Variants in RPS6KC1 observed in about 807,000 individuals in gnomAD.
RPS6KC1 encodes inactive ribosomal protein S6 kinase delta-1.
A neutral mutation model predicts 103.8 loss-of-function variants in RPS6KC1; 54 were observed. The ratio of observed to expected loss-of-function variants is 0.52; its 90% CI spans 0.42 to 0.65. The LOEUF (loss-of-function observed/expected upper bound fraction) is 0.65. Ranked by LOEUF, RPS6KC1 falls within the 30% of genes least tolerant of loss-of-function variation. The pLI is 0.00. For missense variants in RPS6KC1, 1,151 were observed against 1,253.8 expected, an observed-to-expected ratio of 0.92 and a Z score of 1.24; for synonymous variants, 439 against 438.7, an observed-to-expected ratio of 1.00 and a Z score of -0.01.
Position 213,086,488 on chromosome 1 carries a change from C to T in RPS6KC1, c.262+8672C>T, listed in dbSNP as rs541103247. On this transcript the variant is annotated intron_variant, in intron 3 of 14. Transcript: ENST00000366960. The stretch of plus-strand genomic sequence containing the variant: ...AATGAGATCTGAATTCCAGCCTTGG[C>T]AAGGAGGCACCTCTTTCAGGTATTT... Among the ~76,000 whole-genome samples, 31 of 152,306 alleles carry T rather than the reference C, an allele frequency of 2.0e-4. 1 individual carries two copies. Among genetic ancestry groups the T allele is most frequent in the African/African-American group, 7.0e-4 (29 of 41,576 alleles).
At chr1:213,755,562 G>A in the RPS6KC1 span, among the ~76,000 whole-genome samples, 1 of 152,338 alleles carries the variant, frequency 6.6e-6, no homozygotes, top group South Asian at 2.1e-4. Flanking sequence ...GCATGATCAG[G>A]TTGCACTTTC....
At chr1:213,851,734 C>T in the RPS6KC1 span, among the ~76,000 whole-genome samples, 1 of 152,122 alleles carries the variant, frequency 6.6e-6, no homozygotes, top group Admixed American at 6.6e-5. Flanking sequence ...AGAGTCGTCC[C>T]TCCCCCACCA....
intron 1 of RPS6KC1, among the ~76,000 whole-genome samples, chr1:213,062,704 G>T (rs965022079): frequency 1.4e-4 from 21 of 152,082 alleles, no homozygotes; most frequent in African/African-American, 4.3e-4. Context: ...CTACAGGCGA[G>T]CCCCACCACA....
chr1:213,432,856 A>G, the RPS6KC1 span, among the ~76,000 whole-genome samples: 1 of 151,638 alleles, frequency 6.6e-6, no homozygotes, highest in Non-Finnish European at 1.5e-5. Flanking sequence ...TTTCCATTGT[A>G]TGAATGTACT....
intron 7 of RPS6KC1, among the ~76,000 whole-genome samples, chr1:213,171,662 T>C (rs2091486981): frequency 6.6e-6 from 1 of 152,238 alleles, no homozygotes; most frequent in African/African-American, 2.4e-5. Context: ...ATATTGCAAG[T>C]ATTTTTCTAT....
the RPS6KC1 span, among the ~76,000 whole-genome samples, chr1:213,329,999 C>T: frequency 2.0e-4 from 31 of 152,330 alleles, no homozygotes; most frequent in East Asian, 5.6e-3. Context: ...GAAAAGCTCC[C>T]GCCACAGACC....
chr1:213,176,537 G>A, intron 8 of RPS6KC1, 45 bp downstream of exon 8: 1 of 1,264,440 alleles, frequency 7.9e-7, no homozygotes, highest in Non-Finnish European at 1.1e-6. Context: ...TAAATCGACT[G>A]CATGCTGACA....
the RPS6KC1 span, among the ~76,000 whole-genome samples, chr1:213,435,013 C>T: frequency 6.6e-6 from 1 of 152,082 alleles, no homozygotes; most frequent in Non-Finnish European, 1.5e-5. Context: ...ATTTACAGCA[C>T]TCCTATAATT....
the RPS6KC1 span, among the ~76,000 whole-genome samples, chr1:213,430,318 T>C: frequency 6.6e-6 from 1 of 151,940 alleles, no homozygotes; most frequent in Non-Finnish European, 1.5e-5. Context: ...GCTGAGAAAA[T>C]GAGATAGTTT....
chr1:213,615,748 G>A, the RPS6KC1 span, among the ~76,000 whole-genome samples: 1 of 152,242 alleles, frequency 6.6e-6, no homozygotes, highest in African/African-American at 2.4e-5. Context: ...CTGCTGCTAA[G>A]ACAGAATGTG....
chr1:213,300,501 A>G, the RPS6KC1 span, among the ~76,000 whole-genome samples: 1 of 151,986 alleles, frequency 6.6e-6, no homozygotes, highest in Admixed American at 6.6e-5. Flanking sequence ...TCCCTGGTTT[A>G]TTTGCTTTGG....
At chr1:213,800,957 C>G in the RPS6KC1 span, among the ~76,000 whole-genome samples, 1 of 152,166 alleles carries the variant, frequency 6.6e-6, no homozygotes, top group South Asian at 2.1e-4. Flanking sequence ...TGAAAGCCAT[C>G]TGAGAAGAGA....
chr1:213,150,425 A>G (rs1207885161), intron 6 of RPS6KC1, among the ~76,000 whole-genome samples: 3 of 148,484 alleles, frequency 2.0e-5, no homozygotes, highest in African/African-American at 7.4e-5. Flanking sequence ...CAAGTGAACA[A>G]AGGTCTCTGG....
intron 3 of RPS6KC1, among the ~76,000 whole-genome samples, chr1:213,097,830 A>T (rs113343182): frequency 8.5e-5 from 13 of 152,262 alleles, no homozygotes; most frequent in African/African-American, 3.1e-4. Flanking sequence ...TTCATTCCTT[A>T]AACCTCATGT....
intron 8 of RPS6KC1, among the ~76,000 whole-genome samples, chr1:213,189,700 GTTA>G (rs1290175728): frequency 1.3e-5 from 2 of 152,028 alleles, no homozygotes; most frequent in African/African-American, 4.8e-5. Flanking sequence ...CAATTAAGTT[GTTA>G]TTGACTATAG....
the RPS6KC1 span, among the ~76,000 whole-genome samples, chr1:213,509,762 A>C: frequency 6.6e-6 from 1 of 152,214 alleles, no homozygotes; most frequent in Non-Finnish European, 1.5e-5. Context: ...GCAGACACAA[A>C]CTTTAATGCT....
the RPS6KC1 span, among the ~76,000 whole-genome samples, chr1:213,439,848 G>GGAGAGAGAGAGAGAGAAGGA: frequency 6.7e-6 from 1 of 150,024 alleles, no homozygotes; most frequent in Admixed American, 6.7e-5. Context: ...AGCAAGAGTG[G>GGAGAGAGAGAGAGAGAAGGA]GAGAGAGAGA....
the RPS6KC1 span, among the ~76,000 whole-genome samples, chr1:213,583,781 A>G: frequency 4.3e-5 from 6 of 140,682 alleles, no homozygotes; most frequent in Non-Finnish European, 9.0e-5. Flanking sequence ...AGGTTGCACC[A>G]TTGCACTCCA....
chr1:213,188,285 C>T (rs1376919589), intron 8 of RPS6KC1, among the ~76,000 whole-genome samples: 3 of 151,898 alleles, frequency 2.0e-5, no homozygotes, highest in African/African-American at 7.3e-5. Context: ...TTACCTTTTA[C>T]AGTTATAGAA....
Sources: allele counts gnomAD v4.1 joint callset (sites outside exome capture counted in the v4.1 genomes callset), GRCh38; gene constraint gnomAD v4.1.1; transcripts MANE v1.5; gene names NCBI Gene and HGNC (gene_info 2026-07-23, HGNC 2026-07-21).